The following CNTNAP2 variants were observed in gnomAD, a reference collection of about 807,000 sequenced individuals.
The protein encoded by CNTNAP2 is contactin-associated protein-like 2.
Under a neutral mutation model 155.2 loss-of-function variants are expected in CNTNAP2, and 98 were observed. The observed-to-expected ratio is 0.63, with a 90% CI of 0.54 to 0.75. The LOEUF (loss-of-function observed/expected upper bound fraction) is 0.75, where lower values mean the gene tolerates loss of function less well. Among genes scored for constraint, CNTNAP2 ranks in the 30% least tolerant of loss-of-function variants. The pLI is 0.00. For missense variants in CNTNAP2, 1,727 were observed against 1,688.1 expected, an observed-to-expected ratio of 1.02 and a Z score of -0.40; for synonymous variants, 651 against 631.2, an observed-to-expected ratio of 1.03 and a Z score of -0.47.
chr7:148,370,087 G>A (rs1798859065), intron 21 of CNTNAP2, among the ~76,000 whole-genome samples: 1 of 152,042 alleles, frequency 6.6e-6, no homozygotes. Flanking sequence ...TGTGTCTTTG[G>A]GAACAGTGAA....
intron 15 of CNTNAP2, among the ~76,000 whole-genome samples, chr7:148,017,431 T>C (rs954378800): frequency 2.0e-5 from 3 of 152,198 alleles, no homozygotes; most frequent in African/African-American, 7.2e-5. Flanking sequence ...ATATCTAGCA[T>C]ACAAAAAGGC....
At chr7:147,377,201 G>A (rs569335610) in intron 9 of CNTNAP2, among the ~76,000 whole-genome samples, 114 of 148,368 alleles carry the variant, frequency 7.7e-4, no homozygotes, top group Middle Eastern at 3.6e-3. Flanking sequence ...GCTTTGAAAT[G>A]TATGTATGTC....
intron 1 of CNTNAP2, among the ~76,000 whole-genome samples, chr7:146,137,692 A>T (rs1475308415): frequency 2.0e-5 from 3 of 152,108 alleles, no homozygotes; most frequent in Non-Finnish European, 4.4e-5. Flanking sequence ...ACCATAAAAT[A>T]GATGATTTCA....
At position 147,623,819 on chromosome 7, in the gene CNTNAP2, CA is replaced by C. The variant is rs138674782; in HGVS notation, c.1898-15282del. Among the ~76,000 whole-genome samples the C allele has an allele frequency of 7.4e-3, 1,129 of 151,790 alleles. 8 individuals are homozygous for C. Among genetic ancestry groups the C allele is most frequent in the South Asian group, 0.019 (93 of 4,794 alleles). On this transcript the variant is annotated intron_variant, in intron 12 of 23. Coordinates refer to ENST00000361727, the MANE Select transcript of CNTNAP2 (RefSeq NM_014141.6). ...CCAGAATAACCAGATCTATCCTGAA[CA>C]AAAAGAACAAAACTGGAGGAATCAC... is the stretch of plus-strand genomic sequence containing the variant.
chr7:147,453,396 T>C (rs1163594893), intron 10 of CNTNAP2, among the ~76,000 whole-genome samples: 1 of 152,134 alleles, frequency 6.6e-6, no homozygotes, highest in Non-Finnish European at 1.5e-5. Context: ...TGTGTACCTG[T>C]TGCTGTAGTG....
chr7:146,747,900 TATA>T (rs1353182127), intron 1 of CNTNAP2, among the ~76,000 whole-genome samples: 3 of 152,116 alleles, frequency 2.0e-5, no homozygotes, highest in Non-Finnish European at 4.4e-5. Flanking sequence ...AAATGTATTT[TATA>T]ATATCTATCC....
chr7:148,157,528 G>A (rs1436563614), intron 17 of CNTNAP2, among the ~76,000 whole-genome samples: 1 of 137,402 alleles, frequency 7.3e-6, no homozygotes, highest in Non-Finnish European at 1.5e-5. Flanking sequence ...TCTTTTTACT[G>A]GGAACCACAG....
At chr7:147,189,270 T>G (rs1802630926) in intron 8 of CNTNAP2, among the ~76,000 whole-genome samples, 1 of 152,158 alleles carries the variant, frequency 6.6e-6, no homozygotes, top group East Asian at 1.9e-4. Flanking sequence ...AATAATCATC[T>G]TACAGAAAAA....
chr7:147,356,850 C>T (rs1056243708), intron 9 of CNTNAP2, among the ~76,000 whole-genome samples: 1 of 151,974 alleles, frequency 6.6e-6, no homozygotes, highest in Admixed American at 6.6e-5. Context: ...GTTTGTGAAA[C>T]TCTCTTCTCT....
intron 15 of CNTNAP2, among the ~76,000 whole-genome samples, chr7:148,068,193 A>G (rs984655905): frequency 5.9e-5 from 9 of 151,610 alleles, no homozygotes; most frequent in African/African-American, 2.2e-4. Context: ...GATTGTGCCC[A>G]GAAAAATTCA....
intron 21 of CNTNAP2, among the ~76,000 whole-genome samples, chr7:148,304,974 G>C (rs1403368707): frequency 6.6e-6 from 1 of 151,578 alleles, no homozygotes; most frequent in Non-Finnish European, 1.5e-5. Context: ...CCAGTGCTTT[G>C]GGAGGCACAG....
chr7:148,097,924 A>C (rs1804007744), intron 15 of CNTNAP2, among the ~76,000 whole-genome samples: 1 of 152,240 alleles, frequency 6.6e-6, no homozygotes, highest in African/African-American at 2.4e-5. Flanking sequence ...CAAGCAGTAC[A>C]TAAATTTTTA....
intron 3 of CNTNAP2, among the ~76,000 whole-genome samples, chr7:146,945,104 G>A (rs1026985200): frequency 6.6e-6 from 1 of 152,118 alleles, no homozygotes; most frequent in Non-Finnish European, 1.5e-5. Context: ...TTTGAAAAAA[G>A]CCTCTAGGTT....
chr7:147,120,967 C>T lies in CNTNAP2; in HGVS notation c.755-12C>T. On this transcript the variant is annotated splice_polypyrimidine_tract_variant and intron_variant, in intron 5 of 23. Coordinates refer to ENST00000361727, the MANE Select transcript of CNTNAP2 (RefSeq NM_014141.6). The stretch of plus-strand genomic sequence containing the variant: ...TCATTGCATTGTTTCTTTTTCACTT[C>T]TGTGTACGCAGGAAGCAACCAGCTT... The T allele has an allele frequency of 6.2e-7, 1 of 1,612,922 alleles. No individual in the cohort carries two copies. The highest frequency in any genetic ancestry group is 8.5e-7 in the Non-Finnish European group (1 of 1,179,726).
intron 1 of CNTNAP2, among the ~76,000 whole-genome samples, chr7:146,333,665 TAAAA>T (rs991338827): frequency 6.6e-6 from 1 of 152,204 alleles, no homozygotes; most frequent in Non-Finnish European, 1.5e-5. Context: ...CAACAAGTGT[TAAAA>T]AATAAATTCC....
At chr7:148,042,953 CAT>C (rs1364700995) in intron 15 of CNTNAP2, among the ~76,000 whole-genome samples, 7 of 152,330 alleles carry the variant, frequency 4.6e-5, no homozygotes, top group Non-Finnish European at 8.8e-5. Flanking sequence ...TATTGCTGTT[CAT>C]ATGCCACACA....
At chr7:147,175,879 G>A (rs554959116) in intron 8 of CNTNAP2, among the ~76,000 whole-genome samples, 9 of 152,210 alleles carry the variant, frequency 5.9e-5, no homozygotes, top group Non-Finnish European at 1.0e-4. Flanking sequence ...ATCAATTTGC[G>A]AACCTTTATC....
At chr7:147,202,987 T>A (rs1228407063) in intron 8 of CNTNAP2, among the ~76,000 whole-genome samples, 2 of 151,214 alleles carry the variant, frequency 1.3e-5, no homozygotes, top group Non-Finnish European at 2.9e-5. Flanking sequence ...TTACACATGA[T>A]AAAATCTGTC....
At position 147,772,408 on chromosome 7, in the gene CNTNAP2, A is replaced by AAATAT. The variant is rs1554432775; in HGVS notation, c.2099-131156_2099-131155insATATA. ...GAGTGACACTTTGTCTAAAAAAAAA[A>AAATAT]ATATATATATATAATATATATATTA... On this transcript the variant is annotated intron_variant, in intron 13 of 23. Coordinates refer to ENST00000361727, the MANE Select transcript of CNTNAP2 (RefSeq NM_014141.6). Among the ~76,000 whole-genome samples, 1,252 of 133,166 alleles carry AAATAT rather than the reference A, an allele frequency of 9.4e-3. 93 individuals carry two copies. The highest frequency in any genetic ancestry group is 0.079 in the Admixed American group (985 of 12,458). The allele number at this position is 133,166 out of a possible 152,430, so 87.4% of individuals were successfully genotyped here. A position where few individuals can be genotyped will look rare whatever the true frequency, so the allele number is the denominator to read the frequency against.
Sources: allele counts gnomAD v4.1 joint callset (sites outside exome capture counted in the v4.1 genomes callset), GRCh38; gene constraint gnomAD v4.1.1; transcripts MANE v1.5; gene names NCBI Gene and HGNC (gene_info 2026-07-23, HGNC 2026-07-21).